DLGAP2: variants seen among roughly 807,000 people sequenced by gnomAD.
DLGAP2 encodes disks large-associated protein 2.
Under a neutral mutation model 100.3 loss-of-function variants are expected in DLGAP2, and 26 were observed. The observed-to-expected ratio is 0.26, with a 90% confidence interval of 0.19 to 0.36. DLGAP2 has a LOEUF of 0.36. Ranked by LOEUF, DLGAP2 falls within the 10% of genes least tolerant of loss-of-function variation. The probability of loss-of-function intolerance (pLI) is 1.00; values close to 1 mark genes in which losing one functional copy is unlikely to be tolerated. For synonymous variants in DLGAP2, 886 were observed against 630.1 expected (o/e 1.41, Z -6.08); for missense variants, 1,858 against 1,453.2 (o/e 1.28, Z -4.53).
chr8:1,195,633 A>G (rs1030347260), intron 2 of DLGAP2, among the ~76,000 whole-genome samples: 4 of 152,236 alleles, frequency 2.6e-5, no homozygotes, highest in Admixed American at 2.0e-4. Context: ...TTCTGTAATT[A>G]TTAAAAAATT....
intron 2 of DLGAP2, among the ~76,000 whole-genome samples, chr8:1,199,793 A>C (rs1406016190): frequency 6.6e-6 from 1 of 152,084 alleles, no homozygotes; most frequent in Admixed American, 6.6e-5. Flanking sequence ...GGAAACACTT[A>C]AACGATGATT....
chr8:1,040,501 G>A (rs534215842), intron 2 of DLGAP2, among the ~76,000 whole-genome samples: 5 of 146,220 alleles, frequency 3.4e-5, no homozygotes, highest in African/African-American at 5.1e-5. Flanking sequence ...TGGTCGTCTC[G>A]GTGTGCGTGG....
chr8:1,671,414 C>T (rs140815623), intron 10 of DLGAP2, among the ~76,000 whole-genome samples: 339 of 152,336 alleles, frequency 2.2e-3, no homozygotes, highest in Non-Finnish European at 3.9e-3. Context: ...CTGTGTTCTG[C>T]GAATGTCATT....
At chr8:1,359,136 A>T (rs1043173362) in intron 3 of DLGAP2, among the ~76,000 whole-genome samples, 2 of 151,668 alleles carry the variant, frequency 1.3e-5, no homozygotes, top group Non-Finnish European at 2.9e-5. Flanking sequence ...GTGGAGAACC[A>T]CCCCTCTAGG....
chr8:985,758 A>G (rs776467805), intron 2 of DLGAP2, among the ~76,000 whole-genome samples: 2 of 152,192 alleles, frequency 1.3e-5, no homozygotes, highest in African/African-American at 2.4e-5. Context: ...GGTAACGCTT[A>G]TCTTTGGCCT....
chr8:840,612 G>T (rs3928613), intron 1 of DLGAP2, among the ~76,000 whole-genome samples: 4,467 of 80,320 alleles, frequency 0.056, 469 homozygotes, highest in Non-Finnish European at 0.08. Flanking sequence ...GATTCTGCGA[G>T]CGCGTCCACA....
At chr8:1,316,419 G>A (rs868038353) in intron 3 of DLGAP2, among the ~76,000 whole-genome samples, 13 of 119,816 alleles carry the variant, frequency 1.1e-4, no homozygotes, top group African/African-American at 1.7e-4. Context: ...GTGTGCGAGT[G>A]CAGCGTCTCT....
At position 1,262,345 on chromosome 8, in the gene DLGAP2, C is replaced by A. The variant is rs759942329; in HGVS notation, c.106+3462C>A. ...TTACGAGGTTTTGAAACTTGTGAGA[C>A]TATGTTTTCATGAGATAAAAATGTT... On this transcript the variant is annotated intron_variant, in intron 3 of 14. Coordinates refer to ENST00000637795, the MANE Select transcript of DLGAP2 (RefSeq NM_001346810.2). 3 of 152,152 alleles carry A rather than the reference C, an allele frequency of 2.0e-5. No individual in the cohort carries two copies. In the East Asian group the frequency reaches 5.8e-4, roughly 29 times the overall value. The allele number at this position is 152,152 out of a possible 1,614,324, so 9.4% of individuals were successfully genotyped here.
intron 3 of DLGAP2, among the ~76,000 whole-genome samples, chr8:1,311,973 C>G (rs1228479670): frequency 1.3e-5 from 2 of 152,188 alleles, no homozygotes; most frequent in African/African-American, 4.8e-5. Context: ...AGTGTCTGCT[C>G]TCAGTAATTG....
intron 3 of DLGAP2, among the ~76,000 whole-genome samples, chr8:1,265,730 G>GA (rs1799437249): frequency 6.6e-6 from 1 of 152,204 alleles, no homozygotes; most frequent in South Asian, 2.1e-4. Flanking sequence ...TGATTTTCAG[G>GA]AGAGTTTTCG....
rs1229109626 is a variant in DLGAP2, at chr8:1,501,552, A to C, written c.172+121A>C. On this transcript the variant is annotated intron_variant, in intron 4 of 14. Coordinates refer to ENST00000637795, the MANE Select transcript of DLGAP2 (RefSeq NM_001346810.2). ...CGTTAGCATGTTTAGAAAGGGAGCT[A>C]AGAAGAACTAAGTACAATGCGGCAC... 3.2e-5 allele frequency: 31 copies of C among 975,358 alleles called. 1 individual carries two copies. The East Asian group carries it at 7.7e-4, about 24-fold the overall frequency. 60.4% of individuals were successfully genotyped at this position (975,358 alleles called of 1,614,324 possible).
intron 4 of DLGAP2, among the ~76,000 whole-genome samples, chr8:1,531,893 C>T (rs932492255): frequency 3.3e-5 from 5 of 152,100 alleles, no homozygotes; most frequent in South Asian, 2.1e-4. Flanking sequence ...CACGCACACC[C>T]GTGACACAGC....
intron 1 of DLGAP2, among the ~76,000 whole-genome samples, chr8:863,524 T>C (rs1210806944): frequency 6.6e-6 from 1 of 152,252 alleles, no homozygotes; most frequent in Admixed American, 6.5e-5. Context: ...TATTAACCGC[T>C]GTCAGATGCA....
intron 2 of DLGAP2, among the ~76,000 whole-genome samples, chr8:986,660 T>C (rs1226867640): frequency 1.8e-5 from 2 of 113,294 alleles, no homozygotes; most frequent in Non-Finnish European, 3.5e-5. Context: ...ACACTGTATT[T>C]GATTTTTTTT....
rs569259911 is a variant in DLGAP2, at chr8:805,973, G to A, written c.18+68148G>A. 8.5e-5 allele frequency among the ~76,000 whole-genome samples: 13 copies of A among 152,298 alleles called. No homozygotes were observed. The South Asian group carries it at 2.7e-3, about 32-fold the overall frequency. ...CAACTTGGTCTGTGAGTTCCTGCTG[G>A]GTTTCCCATCTAGCCCTTCCGTTTT... On this transcript the variant is annotated intron_variant, in intron 1 of 14. Transcript: ENST00000637795.
At chr8:838,068 T>C (rs1007511793) in intron 1 of DLGAP2, among the ~76,000 whole-genome samples, 4 of 152,152 alleles carry the variant, frequency 2.6e-5, no homozygotes, top group African/African-American at 9.6e-5. Flanking sequence ...AAATGTTAAA[T>C]TAGCTACTCT....
chr8:999,597 G>T (rs1800884359), intron 2 of DLGAP2, among the ~76,000 whole-genome samples: 1 of 151,544 alleles, frequency 6.6e-6, no homozygotes, highest in Non-Finnish European at 1.5e-5. Context: ...TCCTGCCTCA[G>T]CCTCCTGAGT....
At chr8:854,806 C>T (rs1487343726) in intron 1 of DLGAP2, among the ~76,000 whole-genome samples, 3 of 152,198 alleles carry the variant, frequency 2.0e-5, no homozygotes, top group Non-Finnish European at 4.4e-5. Context: ...AAATACTGAG[C>T]TTCAGGATGA....
chr8:1,224,554 A>G (rs1426936791), intron 2 of DLGAP2, among the ~76,000 whole-genome samples: 2 of 152,210 alleles, frequency 1.3e-5, no homozygotes, highest in South Asian at 2.1e-4. Flanking sequence ...AAAAAAATCA[A>G]TGAAACTGTA....
Sources: gnomAD v4.1 joint callset for allele counts (sites outside exome capture counted in the v4.1 genomes callset) on GRCh38, gnomAD v4.1.1 for gene constraint, MANE v1.5 for transcripts, NCBI Gene and HGNC (gene_info 2026-07-23, HGNC 2026-07-21) for gene names.